The following ATP8A2 variants were observed in gnomAD, a reference collection of about 807,000 sequenced individuals.
The protein encoded by ATP8A2 is phospholipid-transporting ATPase IB.
In ATP8A2, 100 loss-of-function variants were observed where a neutral mutation model predicts 165.6. That is an observed-to-expected ratio of 0.60 (90% CI 0.51 to 0.71). The LOEUF (loss-of-function observed/expected upper bound fraction) is 0.71, where lower values mean the gene tolerates loss of function less well. Among genes scored for constraint, ATP8A2 ranks in the 30% least tolerant of loss-of-function variants. ATP8A2 has a pLI of 0.00. For synonymous variants in ATP8A2, 543 were observed against 548.8 expected, an observed-to-expected ratio of 0.99 and a Z score of 0.15; for missense variants, 1,227 against 1,479.5, an observed-to-expected ratio of 0.83 and a Z score of 2.80.
chr13:25,425,337 C>A (rs548644560), intron 1 of ATP8A2, among the ~76,000 whole-genome samples: 1 of 152,156 alleles, frequency 6.6e-6, no homozygotes, highest in Non-Finnish European at 1.5e-5. Context: ...CAGCACCCCC[C>A]AATGCCTGAA....
intron 2 of ATP8A2, among the ~76,000 whole-genome samples, chr13:25,512,051 T>C (rs1393455963): frequency 6.6e-6 from 1 of 151,904 alleles, no homozygotes; most frequent in Non-Finnish European, 1.5e-5. Context: ...AGTGTTTGTG[T>C]CCCTGGGTAC....
chr13:25,784,596 T>G (rs1458707153), intron 27 of ATP8A2, among the ~76,000 whole-genome samples: 2 of 152,122 alleles, frequency 1.3e-5, no homozygotes, highest in Non-Finnish European at 2.9e-5. Flanking sequence ...CTTTTGGACA[T>G]TTTGGTTTTT....
chr13:25,738,832 T>A (rs1036685902), intron 25 of ATP8A2, among the ~76,000 whole-genome samples: 1 of 152,266 alleles, frequency 6.6e-6, no homozygotes, highest in Non-Finnish European at 1.5e-5. Context: ...CTGTTACAGC[T>A]GTTTGGCACA....
chr13:25,767,527 AT>A (rs1328548366), intron 25 of ATP8A2, among the ~76,000 whole-genome samples: 1 of 152,178 alleles, frequency 6.6e-6, no homozygotes, highest in Non-Finnish European at 1.5e-5. Context: ...CTGTTTTTAT[AT>A]TTCAGCCTTC....
intron 10 of ATP8A2, among the ~76,000 whole-genome samples, chr13:25,547,130 G>GAAATAAAT (rs1029214640): frequency 6.6e-6 from 1 of 151,194 alleles, no homozygotes; most frequent in Non-Finnish European, 1.5e-5. Flanking sequence ...GCTCCGTCTC[G>GAAATAAAT]AAATAAATAA....
At chr13:25,737,654 A>T (rs1388556182) in intron 25 of ATP8A2, among the ~76,000 whole-genome samples, 3 of 151,862 alleles carry the variant, frequency 2.0e-5, no homozygotes, top group Admixed American at 6.6e-5. Flanking sequence ...AAATGCCACC[A>T]CGCCTGGCTT....
intron 5 of ATP8A2, among the ~76,000 whole-genome samples, chr13:25,532,545 A>T (rs1220698135): frequency 6.6e-6 from 1 of 152,250 alleles, no homozygotes; most frequent in African/African-American, 2.4e-5. Context: ...TGTAATTTTC[A>T]GGAACTAGAC....
At chr13:25,697,896 C>G (rs2042867975) in intron 24 of ATP8A2, among the ~76,000 whole-genome samples, 3 of 152,150 alleles carry the variant, frequency 2.0e-5, no homozygotes, top group African/African-American at 7.2e-5. Context: ...TCAAAAGTCA[C>G]TTTTTGAGAA....
chr13:25,407,827 A>G (rs1019663993), intron 1 of ATP8A2, among the ~76,000 whole-genome samples: 3 of 152,188 alleles, frequency 2.0e-5, no homozygotes, highest in African/African-American at 4.8e-5. Flanking sequence ...GTCTTTCTGT[A>G]AGTGGAATAA....
rs2042822819 is a variant in ATP8A2, at chr13:25,695,817, A to G, written c.2212-3356A>G. 2.9e-5 allele frequency among the ~76,000 whole-genome samples: 4 copies of G among 139,906 alleles called. No individual in the cohort carries two copies. The Admixed American group carries it at 2.9e-4, about 10-fold the overall frequency. 91.8% of individuals were successfully genotyped at this position (139,906 alleles called of 152,430 possible). On this transcript the variant is annotated intron_variant, in intron 24 of 36. Coordinates refer to ENST00000381655, the MANE Select transcript of ATP8A2 (RefSeq NM_016529.6). ...CTGAAGTCTCAAACTTTTCAAAGTTATGCATGAGGGTTGAAATCAACTTCT... is the reference window on the plus strand; with the variant it reads ...CTGAAGTCTCAAACTTTTCAAAGTTGTGCATGAGGGTTGAAATCAACTTCT...
chr13:25,737,960 A>G (rs2043815292), intron 25 of ATP8A2, among the ~76,000 whole-genome samples: 2 of 152,212 alleles, frequency 1.3e-5, no homozygotes, highest in Admixed American at 6.5e-5. Flanking sequence ...CTGGGATTAC[A>G]GGCGTGAGCC....
intron 28 of ATP8A2, among the ~76,000 whole-genome samples, chr13:25,829,589 A>G (rs1443983043): frequency 6.7e-6 from 1 of 148,958 alleles, no homozygotes; most frequent in Non-Finnish European, 1.5e-5. Flanking sequence ...CTTCACACAA[A>G]CACATGCCAC....
chr13:25,748,313 T>C (rs1389968632), intron 25 of ATP8A2, among the ~76,000 whole-genome samples: 23 of 152,256 alleles, frequency 1.5e-4, no homozygotes, highest in Non-Finnish European at 1.5e-5. Flanking sequence ...GTATTTTGAA[T>C]GTTCTTTAGA....
At chr13:25,740,924 T>C (rs921158885) in intron 25 of ATP8A2, among the ~76,000 whole-genome samples, 10 of 152,308 alleles carry the variant, frequency 6.6e-5, no homozygotes, top group Admixed American at 5.2e-4. Flanking sequence ...TCAGACAACT[T>C]GGTGAGCCAA....
intron 24 of ATP8A2, among the ~76,000 whole-genome samples, chr13:25,646,025 T>A (rs1593127695): frequency 6.6e-6 from 1 of 152,216 alleles, no homozygotes; most frequent in Non-Finnish European, 1.5e-5. Context: ...AGTCCCTTGC[T>A]GTTATTATAT....
At chr13:25,651,221 G>T (rs993163975) in intron 24 of ATP8A2, among the ~76,000 whole-genome samples, 3 of 152,090 alleles carry the variant, frequency 2.0e-5, no homozygotes, top group African/African-American at 4.8e-5. Flanking sequence ...AAGATGGGTG[G>T]ATCATGAGGT....
At chr13:25,558,747 C>G (rs1411480853) in intron 13 of ATP8A2, among the ~76,000 whole-genome samples, 1 of 152,194 alleles carries the variant, frequency 6.6e-6, no homozygotes, top group Non-Finnish European at 1.5e-5. Flanking sequence ...TTGCAACTCC[C>G]TCTGCATATT....
intron 25 of ATP8A2, among the ~76,000 whole-genome samples, chr13:25,721,908 G>T (rs754087977): frequency 6.6e-6 from 1 of 152,130 alleles, no homozygotes; most frequent in Non-Finnish European, 1.5e-5. Context: ...CTATGAACAC[G>T]CATGTACAAG....
At chr13:25,418,374 G>A (rs2034196231) in intron 1 of ATP8A2, among the ~76,000 whole-genome samples, 1 of 152,066 alleles carries the variant, frequency 6.6e-6, no homozygotes, top group Non-Finnish European at 1.5e-5. Flanking sequence ...AGGGTTTTAA[G>A]CCTTGCAGTG....
Sources: gnomAD v4.1 joint callset for allele counts (sites outside exome capture counted in the v4.1 genomes callset) on GRCh38, gnomAD v4.1.1 for gene constraint, MANE v1.5 for transcripts, NCBI Gene and HGNC (gene_info 2026-07-23, HGNC 2026-07-21) for gene names.